The following TLE4 variants were observed in gnomAD, a reference collection of about 807,000 sequenced individuals.
The protein encoded by TLE4 is transducin-like enhancer protein 4.
TLE4 carries 8 observed loss-of-function variants against 92.8 expected under a neutral mutation model. That is an observed-to-expected ratio of 0.09 (90% CI 0.05 to 0.16). The LOEUF (loss-of-function observed/expected upper bound fraction) is 0.16. Among genes scored for constraint, TLE4 ranks in the 10% least tolerant of loss-of-function variants. TLE4 has a pLI of 1.00. For synonymous variants in TLE4, 371 were observed against 374.1 expected, an observed-to-expected ratio of 0.99 and a Z score of 0.10; for missense variants, 675 against 997.6, an observed-to-expected ratio of 0.68 and a Z score of 4.36.
At chr9:79,609,552 A>G (rs1319741693) in intron 4 of TLE4, among the ~76,000 whole-genome samples, 1 of 152,072 alleles carries the variant, frequency 6.6e-6, no homozygotes, top group African/African-American at 2.4e-5. Flanking sequence ...CTTGATAGGG[A>G]AGATAGAATG....
chr9:79,629,834 T>C (rs1386522297), intron 6 of TLE4, among the ~76,000 whole-genome samples: 1 of 152,220 alleles, frequency 6.6e-6, no homozygotes, highest in African/African-American at 2.4e-5. Flanking sequence ...TTTTTAGCCA[T>C]GGTAGTGCTT....
At chr9:79,606,372 TG>T (rs1385397037) in intron 4 of TLE4, among the ~76,000 whole-genome samples, 17 of 101,712 alleles carry the variant, frequency 1.7e-4, no homozygotes, top group African/African-American at 4.9e-4. Flanking sequence ...AGTGTGTGTG[TG>T]TTTTTTTTTT....
chr9:79,616,933 A>G (rs1454585949), intron 5 of TLE4, among the ~76,000 whole-genome samples: 1 of 152,200 alleles, frequency 6.6e-6, no homozygotes, highest in Non-Finnish European at 1.5e-5. Context: ...ATTCCTGTAG[A>G]ATAAGGAGAG....
At chr9:79,646,219 G>T (rs2058084639) in intron 6 of TLE4, among the ~76,000 whole-genome samples, 1 of 152,082 alleles carries the variant, frequency 6.6e-6, no homozygotes, top group South Asian at 2.1e-4. Flanking sequence ...GTTTCTTAGT[G>T]GGACTGTAAG....
rs1313426044 is a variant in TLE4, at chr9:79,689,499, T to TA, written c.610-15282dup. On this transcript the variant is annotated intron_variant, in intron 8 of 19. Coordinates refer to ENST00000376552, the MANE Select transcript of TLE4 (RefSeq NM_007005.6). ...GCCCACTTTATTGAGATTATTGTTT[T>TA]AATTATGGCACTCAAAATACATCAC... Among the ~76,000 whole-genome samples the TA allele has an allele frequency of 7.9e-5, 12 of 152,334 alleles. No individual in the cohort carries two copies. The East Asian group carries it at 2.3e-3, about 29-fold the overall frequency.
chr9:79,611,340 T>G (rs141127091), intron 4 of TLE4, among the ~76,000 whole-genome samples: 2 of 152,098 alleles, frequency 1.3e-5, no homozygotes, highest in East Asian at 3.9e-4. Context: ...GTCCATACTG[T>G]TAGGAATGCA....
chr9:79,700,393 G>T (rs1285508052), intron 8 of TLE4, among the ~76,000 whole-genome samples: 1 of 152,082 alleles, frequency 6.6e-6, no homozygotes, highest in Non-Finnish European at 1.5e-5. Context: ...CTCATACATT[G>T]TCATCTTTGA....
In TLE4 at chr9:79,652,585, C is replaced by A; in HGVS notation, c.391-8C>A. 3 of 1,613,910 alleles carry A rather than the reference C, an allele frequency of 1.9e-6. No individual in the cohort carries two copies. In the South Asian group the frequency reaches 3.3e-5, roughly 18 times the overall value. ...AATTCAATATCTGTGTTTAATTTTTCACAGCAGCAACAACTCCAGGCCCAG... is the reference window on the plus strand; with the variant it reads ...AATTCAATATCTGTGTTTAATTTTTAACAGCAGCAACAACTCCAGGCCCAG... On this transcript the variant is annotated splice_polypyrimidine_tract_variant and splice_region_variant and intron_variant, in intron 6 of 19. Coordinates refer to ENST00000376552, the MANE Select transcript of TLE4 (RefSeq NM_007005.6).
At chr9:79,677,963 CTTCT>C (rs2063596803) in intron 8 of TLE4, among the ~76,000 whole-genome samples, 1 of 152,084 alleles carries the variant, frequency 6.6e-6, no homozygotes, top group Non-Finnish European at 1.5e-5. Flanking sequence ...ATTTTGAATG[CTTCT>C]TTATGTATAA....
chr9:79,696,664 TAGC>T (rs1213284953), intron 8 of TLE4, among the ~76,000 whole-genome samples: 90 of 151,836 alleles, frequency 5.9e-4, no homozygotes, highest in African/African-American at 2.2e-3. Flanking sequence ...AAAAAAAAAA[TAGC>T]AACATGAAAA....
chr9:79,585,058 C>A (rs1161633060), intron 4 of TLE4, among the ~76,000 whole-genome samples: 1 of 152,126 alleles, frequency 6.6e-6, no homozygotes, highest in Non-Finnish European at 1.5e-5. Flanking sequence ...AACTTCCCTG[C>A]AAATCAGTAA....
intron 8 of TLE4, among the ~76,000 whole-genome samples, chr9:79,698,671 A>G (rs12685420): frequency 1.8e-4 from 28 of 152,034 alleles, no homozygotes; most frequent in Non-Finnish European, 3.2e-4. Flanking sequence ...GTAAACTGAC[A>G]CCAGTGACTG....
rs1170642342 is a variant in TLE4 at position 79,592,275 on chromosome 9, CTT to C, written c.252+16114_252+16115del. 6.1e-3 allele frequency among the ~76,000 whole-genome samples: 649 copies of C among 106,902 alleles called. 2 individuals carry two copies. The highest frequency in any genetic ancestry group is 0.02 in the African/African-American group (587 of 29,082). The allele number at this position is 106,902 out of a possible 152,430, so 70.1% of individuals were successfully genotyped here. On this transcript the variant is annotated intron_variant, in intron 4 of 19. Coordinates refer to ENST00000376552, the MANE Select transcript of TLE4 (RefSeq NM_007005.6). ...TTCTTTCTTCTTTCTTCTTCTTCTT[CTT>C]TTTTTTTTTTTTTTTGGAGGCAGGG... is the stretch of plus-strand genomic sequence containing the variant.
chr9:79,592,213 T>C (rs201136963), intron 4 of TLE4, among the ~76,000 whole-genome samples: 52 of 83,072 alleles, frequency 6.3e-4, no homozygotes, highest in African/African-American at 2.0e-3. Context: ...CTTCTTCTTC[T>C]TCCTCTTCTT....
At chr9:79,624,177 GAAA>G (rs5898638) in intron 5 of TLE4, among the ~76,000 whole-genome samples, 11 of 132,752 alleles carry the variant, frequency 8.3e-5, no homozygotes, top group Non-Finnish European at 1.1e-4. Flanking sequence ...CCCGAAAATG[GAAA>G]AAAAAAAAAA....
At chr9:79,597,101 G>T (rs555791195) in intron 4 of TLE4, among the ~76,000 whole-genome samples, 1 of 151,994 alleles carries the variant, frequency 6.6e-6, no homozygotes, top group African/African-American at 2.4e-5. Context: ...CATTGATTCC[G>T]TACTCCCCTG....
chr9:79,614,620 A>G (rs1280121780), intron 5 of TLE4, among the ~76,000 whole-genome samples: 10 of 152,110 alleles, frequency 6.6e-5, no homozygotes, highest in African/African-American at 2.2e-4. Flanking sequence ...CATACCACTT[A>G]ACTATTTATT....
chr9:79,666,217 G>GT (rs1162655919), intron 8 of TLE4, among the ~76,000 whole-genome samples: 50 of 65,640 alleles, frequency 7.6e-4, no homozygotes, highest in African/African-American at 1.7e-3. Flanking sequence ...TTTTTTTTTT[G>GT]TTTTTTTTTT....
chr9:79,676,148 G>A (rs1254047823), intron 8 of TLE4, among the ~76,000 whole-genome samples: 2 of 152,074 alleles, frequency 1.3e-5, no homozygotes, highest in Non-Finnish European at 2.9e-5. Context: ...CATATTTGAT[G>A]ATCTGTTAAT....
Sources: gnomAD v4.1 joint callset for allele counts (sites outside exome capture counted in the v4.1 genomes callset) on GRCh38, gnomAD v4.1.1 for gene constraint, MANE v1.5 for transcripts, NCBI Gene and HGNC (gene_info 2026-07-23, HGNC 2026-07-21) for gene names.